DNTTIP2: variants seen among roughly 807,000 people sequenced by gnomAD.
The protein encoded by DNTTIP2 is deoxynucleotidyltransferase terminal interacting protein 2.
Under a neutral mutation model 62.4 loss-of-function variants are expected in DNTTIP2, and 47 were observed. The observed-to-expected ratio is 0.75, with a 90% CI of 0.60 to 0.96. The LOEUF is 0.96. DNTTIP2 is among the 40% of genes least tolerant of loss of function. The pLI, the probability that DNTTIP2 is intolerant of heterozygous loss-of-function variation, is 0.00. For synonymous variants in DNTTIP2, 322 were observed against 300.9 expected, an observed-to-expected ratio of 1.07 and a Z score of -0.73; for missense variants, 870 against 849.1, an observed-to-expected ratio of 1.02 and a Z score of -0.31.
chr1:93,875,834 AC>A (rs1655985688), intron 2 of DNTTIP2, 51 bp from the exon 3 acceptor site: 1 of 1,547,004 alleles, frequency 6.5e-7, no homozygotes, highest in Admixed American at 2.1e-5. Context: ...CAAAATGGAA[AC>A]ATATAAGATG....
At chr1:93,870,603 T>A (rs968133667) in intron 6 of DNTTIP2, 80 bp downstream of exon 6, 6 of 717,428 alleles carry the variant, frequency 8.4e-6, no homozygotes, top group African/African-American at 7.2e-5. Context: ...GAGTTATTTT[T>A]AAATTATTTG....
At chr1:93,875,078 C>T (rs72723177) in intron 3 of DNTTIP2, among the ~76,000 whole-genome samples, 348 of 152,256 alleles carry the variant, frequency 2.3e-3, no homozygotes, top group Middle Eastern at 3.4e-3. Flanking sequence ...TTAGTGACGT[C>T]AAGTACCTGA....
At chr1:93,870,914 T>G in intron 5 of DNTTIP2, 122 bp from the exon 6 acceptor site, 1 of 456,708 alleles carries the variant, frequency 2.2e-6, no homozygotes, top group Middle Eastern at 3.2e-4. Context: ...ACACTAATAG[T>G]AATGTAAATT....
chr1:93,876,193 T>A, intron 2 of DNTTIP2, 75 bp downstream of exon 2: 2 of 1,160,716 alleles, frequency 1.7e-6, no homozygotes, highest in Admixed American at 4.8e-5. Flanking sequence ...CAGGCTAACA[T>A]TTCATATTTT....
At chr1:93,875,541 G>A (rs1210136157) in intron 3 of DNTTIP2, 104 bp downstream of exon 3, 1 of 1,188,682 alleles carries the variant, frequency 8.4e-7, no homozygotes, top group Non-Finnish European at 1.2e-6. Flanking sequence ...TAACACATTA[G>A]GCCAATGTGG....
In DNTTIP2 at chr1:93,867,153, A is replaced by G. The variant is rs1655741177; in HGVS notation, c.*2698T>C. ...CGAGAGTCCGTCTCTCAAAAAAAAA[A>G]AAAAAAAAAGCATCTTGGAGCCAGA... On this transcript the variant is annotated 3_prime_UTR_variant, in exon 7 of 7. Coordinates refer to ENST00000436063, the MANE Select transcript of DNTTIP2 (RefSeq NM_014597.5). 1 of 151,638 alleles carries G rather than the reference A, an allele frequency of 6.6e-6. No individual in the cohort carries two copies. Among genetic ancestry groups the G allele is most frequent in the Non-Finnish European group, 1.5e-5 (1 of 67,958 alleles). The allele number at this position is 151,638 out of a possible 1,614,324, so 9.4% of individuals were successfully genotyped here. A position where few individuals can be genotyped will look rare whatever the true frequency, so the allele number is the denominator to read the frequency against.
intron 2 of DNTTIP2, 77 bp downstream of exon 2, chr1:93,876,191 C>A (rs915379015): frequency 8.8e-7 from 1 of 1,142,764 alleles, no homozygotes; most frequent in Admixed American, 4.9e-5. Context: ...CCCAGGCTAA[C>A]ATTTCATATT....
At position 93,879,111 on chromosome 1, in the gene DNTTIP2, A is replaced by T. The variant is rs1656091736; in HGVS notation, c.38T>A (p.Ile13Asn). The T allele has an allele frequency of 1.9e-6, 3 of 1,613,726 alleles. No individual in the cohort carries two copies. The highest frequency in any genetic ancestry group is 2.5e-6 in the Non-Finnish European group (3 of 1,179,868). Residue 13 changes from isoleucine to asparagine, a missense_variant, in exon 1 of 7, where the codon ATC becomes AAC. By Grantham distance (149) the Ile-to-Asn change is moderately radical (BLOSUM62 -3). Transcript: ENST00000436063. Reference protein sequence around the residue: ...VTRSARAKASIQAASAESSGQ... With the variant: ...VTRSARAKASNQAASAESSGQ... ...GGAACTTTCAGCCGACGCGGCTTGG[A>T]TGCTGGCCTTAGCCCGTGCAGATCT...
chr1:93,866,426 A>C lies in DNTTIP2; in HGVS notation c.*3425T>G, dbSNP rs555530263. 1 of 152,334 alleles carries C rather than the reference A, an allele frequency of 6.6e-6. No individual in the cohort carries two copies. The highest frequency in any genetic ancestry group is 1.9e-4 in the East Asian group (1 of 5,190). 9.4% of individuals were successfully genotyped at this position (152,334 alleles called of 1,614,324 possible). ...TAAGTACAAATTCCATTAAGTAAAC[A>C]ATTAGGCATTTTTCAATGGTTTGGG... On this transcript the variant is annotated 3_prime_UTR_variant, in exon 7 of 7. Transcript: ENST00000436063.
chr1:93,871,980 T>A, intron 5 of DNTTIP2, 92 bp downstream of exon 5: 1 of 1,382,824 alleles, frequency 7.2e-7, no homozygotes, highest in Non-Finnish European at 1.0e-6. Context: ...AATGGAAATA[T>A]CCTCTATTTT....
chr1:93,875,806 A>C, intron 2 of DNTTIP2, 23 bp from the exon 3 acceptor site: 1 of 1,591,202 alleles, frequency 6.3e-7, no homozygotes, highest in Non-Finnish European at 8.5e-7. Flanking sequence ...TCATCACTTA[A>C]AGATCAAGTA....
intron 1 of DNTTIP2, among the ~76,000 whole-genome samples, chr1:93,878,179 C>T (rs1034050098): frequency 2.0e-5 from 3 of 152,048 alleles, no homozygotes; most frequent in African/African-American, 4.8e-5. Context: ...TGGTGCGCAC[C>T]TGTAATCCCA....
chr1:93,875,934 A>G (rs1557718821), intron 2 of DNTTIP2, among the ~76,000 whole-genome samples, 151 bp from the exon 3 acceptor site: 1 of 148,506 alleles, frequency 6.7e-6, no homozygotes, highest in African/African-American at 2.4e-5. Flanking sequence ...GGAATTCCTG[A>G]AAAAAAACTC....
chr1:93,872,010 C>A, intron 5 of DNTTIP2, 62 bp downstream of exon 5: 1 of 1,563,870 alleles, frequency 6.4e-7, no homozygotes, highest in Non-Finnish European at 8.8e-7. Context: ...CTTTAAAGAA[C>A]ACTACAGTGC....
rs746794635 is a variant in DNTTIP2 at position 93,877,092 on chromosome 1, G to C, written c.843C>G (p.His281Gln). Residue 281 changes from histidine to glutamine, a missense_variant, in exon 2 of 7, where the codon CAC becomes CAG. Physicochemically the swap from His to Gln is conservative, Grantham distance 24. Transcript: ENST00000436063. ...HRSSENILTV[H>Q]EQANVESLKE... ...TAAGAGATTCAACATTGGCCTGTTC[G>C]TGCACTGTTAATATATTTTCTGAAC... 1 of 1,611,262 alleles carries C rather than the reference G, an allele frequency of 6.2e-7. No individual in the cohort carries two copies. Among genetic ancestry groups the C allele is most frequent in the Non-Finnish European group, 8.5e-7 (1 of 1,179,758 alleles).
Position 93,867,768 on chromosome 1 carries a change from T to TA in DNTTIP2, c.*2082dup, listed in dbSNP as rs1231946128. The TA allele has an allele frequency of 6.6e-6, 1 of 152,072 alleles. No individual in the cohort carries two copies. Among genetic ancestry groups the TA allele is most frequent in the African/African-American group, 2.4e-5 (1 of 41,402 alleles). The allele number at this position is 152,072 out of a possible 1,614,324, so 9.4% of individuals were successfully genotyped here. A position where few individuals can be genotyped will look rare whatever the true frequency, so the allele number is the denominator to read the frequency against. Reference sequence around the variant, plus strand: ...ATACAATTCTCTCATACTGGGTCCTTATTTTATCCAGTAGAAGGCAAAACA... The same window carrying TA: ...ATACAATTCTCTCATACTGGGTCCTTAATTTTATCCAGTAGAAGGCAAAACA... On this transcript the variant is annotated 3_prime_UTR_variant, in exon 7 of 7. Transcript: ENST00000436063.
rs764850607 is a variant in DNTTIP2 at position 93,876,891 on chromosome 1, T to TA, written c.1043dup (p.Ser349IlefsTer5). 11 of 1,613,854 alleles carry TA rather than the reference T, an allele frequency of 6.8e-6. No homozygotes were observed. Among genetic ancestry groups the TA allele is most frequent in the African/African-American group, 1.3e-5 (1 of 74,944 alleles). On this transcript the variant is annotated frameshift_variant, in exon 2 of 7. Transcript: ENST00000436063. LOFTEE classifies it high-confidence loss of function. The stretch of plus-strand genomic sequence containing the variant: ...CAGAGTTCAGATTAGAGTGCACTGA[T>TA]ACAGCATTTTTATTTTGGGGGGTTG...
chr1:93,869,474 T>G lies in DNTTIP2; in HGVS notation c.*377A>C. 5.6e-6 allele frequency: 1 copy of G among 179,832 alleles called. No homozygotes were observed. The highest frequency in any genetic ancestry group is 1.2e-5 in the Non-Finnish European group (1 of 85,002). The allele number at this position is 179,832 out of a possible 1,614,324, so 11.1% of individuals were successfully genotyped here. ...ACATAAAACTACCTATTAATTACAA[T>G]AATGTTTATATATCTTTGATCATTT... is the stretch of plus-strand genomic sequence containing the variant. On this transcript the variant is annotated 3_prime_UTR_variant, in exon 7 of 7. Transcript: ENST00000436063.
At chr1:93,878,980 G>T (rs922729171) in intron 1 of DNTTIP2, 97 bp downstream of exon 1, 40 of 1,472,498 alleles carry the variant, frequency 2.7e-5, no homozygotes, top group Non-Finnish European at 3.2e-5. Context: ...CCTCTCTGTC[G>T]GCAGGTCCTC....
Sources: gnomAD v4.1 joint callset for allele counts (sites outside exome capture counted in the v4.1 genomes callset) on GRCh38, gnomAD v4.1.1 for gene constraint, MANE v1.5 for transcripts, NCBI Gene and HGNC (gene_info 2026-07-23, HGNC 2026-07-21) for gene names.